FAM53A: variants seen among roughly 807,000 people sequenced by gnomAD.
FAM53A encodes the protein family with sequence similarity 53 member A, also known as protein FAM53A.
In FAM53A, 28 loss-of-function variants were observed where a neutral mutation model predicts 26.6. The ratio of observed to expected loss-of-function variants is 1.05; its 90% CI spans 0.78 to 1.45. FAM53A has a LOEUF of 1.45. Ranked by LOEUF, FAM53A falls within the 40% of genes most tolerant of loss-of-function variation. The pLI is 0.00. For synonymous variants in FAM53A, 290 were observed against 253.1 expected (o/e 1.15, Z -1.38); for missense variants, 650 against 575.8 (o/e 1.13, Z -1.32).
chr4:1,606,305 A>AC, the FAM53A span, among the ~76,000 whole-genome samples: 1 of 151,320 alleles, frequency 6.6e-6, no homozygotes, highest in Non-Finnish European at 1.5e-5. Flanking sequence ...TCGGCCTCCC[A>AC]AAGTGCTGGG....
chr4:1,606,539 GT>G, the FAM53A span, among the ~76,000 whole-genome samples: 13 of 152,280 alleles, frequency 8.5e-5, no homozygotes, highest in African/African-American at 2.9e-4. Flanking sequence ...AGTGTGTGAG[GT>G]GTGTGTCCTG....
intron 1 of FAM53A, 144 bp from the exon 2 acceptor site, chr4:1,669,049 G>T (rs954986541): frequency 2.1e-5 from 7 of 326,008 alleles, no homozygotes; most frequent in African/African-American, 2.2e-5. Context: ...AAACTACCAC[G>T]CGAGTTCTCT....
In FAM53A at chr4:1,640,806, C is replaced by T; in HGVS notation, c.*487G>A. 1 of 402,022 alleles carries T rather than the reference C, an allele frequency of 2.5e-6. No homozygotes were observed. Among genetic ancestry groups the T allele is most frequent in the Non-Finnish European group, 4.8e-6 (1 of 209,806 alleles). The allele number at this position is 402,022 out of a possible 1,614,324, so 24.9% of individuals were successfully genotyped here. ...CCCCGACCAGCTCACAGGAAACCTA[C>T]TCTGTGCCCCGGGGCAGGTGCAGGC... On this transcript the variant is annotated 3_prime_UTR_variant, in exon 5 of 5. Coordinates refer to ENST00000308132, the MANE Select transcript of FAM53A (RefSeq NM_001174070.3).
the FAM53A span, among the ~76,000 whole-genome samples, chr4:1,574,895 C>G: frequency 6.6e-6 from 1 of 152,266 alleles, no homozygotes; most frequent in African/African-American, 2.4e-5. Context: ...CTATGGCAAG[C>G]TTTCATGGTC....
chr4:1,601,540 A>G, the FAM53A span, among the ~76,000 whole-genome samples: 15 of 111,614 alleles, frequency 1.3e-4, 6 homozygotes, highest in Non-Finnish European at 2.4e-4. Context: ...CCCCACCTGG[A>G]AAGTCTGCAG....
downstream of FAM53A, among the ~76,000 whole-genome samples, chr4:1,638,500 AG>A (rs1376157634): frequency 6.6e-6 from 1 of 151,912 alleles, no homozygotes; most frequent in Non-Finnish European, 1.5e-5. Flanking sequence ...AGGAGCCTCC[AG>A]CCCCACTCAC....
At chr4:1,673,239 G>A (rs1323367785) in intron 1 of FAM53A, among the ~76,000 whole-genome samples, 1 of 152,184 alleles carries the variant, frequency 6.6e-6, no homozygotes, top group Admixed American at 6.5e-5. Flanking sequence ...CCCTGGGTCA[G>A]AAAAACGGCA....
chr4:1,633,422 G>A (rs1715700272), intron 1 of FAM53A, among the ~76,000 whole-genome samples: 1 of 152,172 alleles, frequency 6.6e-6, no homozygotes, highest in South Asian at 2.1e-4. Context: ...GGTCCACGAA[G>A]CCAGATGGAG....
chr4:1,655,242 CGG>C lies in FAM53A; in HGVS notation c.616_617del (p.Pro206AlafsTer71). 1 of 1,504,834 alleles carries C rather than the reference CGG, an allele frequency of 6.6e-7. No individual in the cohort carries two copies. Among genetic ancestry groups the C allele is most frequent in the East Asian group, 2.4e-5 (1 of 41,118 alleles). 93.2% of individuals were successfully genotyped at this position (1,504,834 alleles called of 1,614,324 possible). ...DSSEGSAGSG[P>X]LWCSAESCLP... is the part of the protein sequence containing the mutation. Reference sequence around the variant, plus strand: ...AGCAGGACTCCGCGGAACACCAGAGCGGGCCTGAGCCCGCACTGCCCTCGCTG... The same window carrying C: ...AGCAGGACTCCGCGGAACACCAGAGCGCCTGAGCCCGCACTGCCCTCGCTG... On this transcript the variant is annotated frameshift_variant, in exon 4 of 5. Transcript: ENST00000308132. LOFTEE classifies it high-confidence loss of function.
chr4:1,604,424 T>C, the FAM53A span, among the ~76,000 whole-genome samples: 26 of 152,154 alleles, frequency 1.7e-4, no homozygotes, highest in African/African-American at 6.3e-4. Context: ...GACAGGAACG[T>C]GGAGGGTCCC....
intron 1 of FAM53A, among the ~76,000 whole-genome samples, chr4:1,679,684 TAAA>T (rs35096985): frequency 1.5e-4 from 17 of 112,462 alleles, no homozygotes; most frequent in Non-Finnish European, 1.8e-4. Context: ...GAAACTCCAT[TAAA>T]AAAAAAAAAA....
chr4:1,593,764 C>T, the FAM53A span, among the ~76,000 whole-genome samples: 3 of 152,100 alleles, frequency 2.0e-5, no homozygotes, highest in East Asian at 3.9e-4. Context: ...TCACTTGTCC[C>T]TCTGCCCTGC....
chr4:1,622,077 G>T (rs1352739794), intron 1 of FAM53A, among the ~76,000 whole-genome samples: 2 of 152,178 alleles, frequency 1.3e-5, no homozygotes, highest in African/African-American at 4.8e-5. Context: ...TGACGACACA[G>T]CAAGAGACCC....
At chr4:1,597,049 C>T in the FAM53A span, among the ~76,000 whole-genome samples, 1 of 152,174 alleles carries the variant, frequency 6.6e-6, no homozygotes, top group African/African-American at 2.4e-5. Context: ...CGAGAGGGGA[C>T]AGGCAGCTCC....
At chr4:1,575,552 T>TGGCAGGAAGACAGAGA in the FAM53A span, among the ~76,000 whole-genome samples, 1 of 151,886 alleles carries the variant, frequency 6.6e-6, no homozygotes, top group Non-Finnish European at 1.5e-5. Context: ...GCTGAAGGTA[T>TGGCAGGAAGACAGAGA]GGCAGGAAGA....
chr4:1,602,307 G>A, the FAM53A span, among the ~76,000 whole-genome samples: 1 of 152,250 alleles, frequency 6.6e-6, no homozygotes, highest in African/African-American at 2.4e-5. Context: ...GGTGGCTGCA[G>A]GGGCAGGGGA....
intron 1 of FAM53A, among the ~76,000 whole-genome samples, chr4:1,679,045 A>G (rs945228264): frequency 1.3e-5 from 2 of 152,240 alleles, no homozygotes; most frequent in Non-Finnish European, 2.9e-5. Flanking sequence ...AATTAAAAAT[A>G]TCTGCTCTGC....
chr4:1,680,664 A>C (rs1358115739), intron 1 of FAM53A, among the ~76,000 whole-genome samples: 3 of 152,230 alleles, frequency 2.0e-5, no homozygotes, highest in Non-Finnish European at 4.4e-5. Context: ...TGAAACCACC[A>C]AAAAATACAG....
chr4:1,631,212 G>A (rs1343497176), intron 1 of FAM53A, among the ~76,000 whole-genome samples: 2 of 152,172 alleles, frequency 1.3e-5, no homozygotes, highest in South Asian at 2.1e-4. Context: ...TGAGGCAGGC[G>A]GAGACCCTGC....
Sources: gnomAD v4.1 joint callset for allele counts (sites outside exome capture counted in the v4.1 genomes callset) on GRCh38, gnomAD v4.1.1 for gene constraint, MANE v1.5 for transcripts, NCBI Gene and HGNC (gene_info 2026-07-23, HGNC 2026-07-21) for gene names.